PDE11A: variants seen among roughly 807,000 people sequenced by gnomAD.
PDE11A encodes phosphodiesterase 11A.
PDE11A carries 100 observed loss-of-function variants against 100.5 expected under a neutral mutation model. The ratio of observed to expected loss-of-function variants is 1.00; its 90% CI spans 0.85 to 1.18. The LOEUF (loss-of-function observed/expected upper bound fraction) is 1.18. Ranked by LOEUF, PDE11A falls within the 50% of genes most tolerant of loss-of-function variation. The pLI is 0.00. For synonymous variants in PDE11A, 381 were observed against 420.8 expected (o/e 0.91, Z 1.16); for missense variants, 1,141 against 1,152.6 (o/e 0.99, Z 0.15).
chr2:177,823,880 C>A (rs1300089758), intron 6 of PDE11A, among the ~76,000 whole-genome samples: 1 of 152,266 alleles, frequency 6.6e-6, no homozygotes, highest in Middle Eastern at 3.4e-3. Flanking sequence ...ATTGTCTCTG[C>A]CAACTCTGGG....
At chr2:178,028,649 G>A (rs1193034751) in intron 1 of PDE11A, among the ~76,000 whole-genome samples, 1 of 152,150 alleles carries the variant, frequency 6.6e-6, no homozygotes, top group Non-Finnish European at 1.5e-5. Flanking sequence ...CTTGTAACAT[G>A]TCATTTTCTT....
intron 1 of PDE11A, chr2:178,105,751 C>A: frequency 9.0e-7 from 1 of 1,117,132 alleles, no homozygotes; most frequent in Non-Finnish European, 1.2e-6. Flanking sequence ...CACCTCACAG[C>A]TCTGAGCCCC....
At chr2:177,896,719 T>A (rs888685813) in intron 4 of PDE11A, among the ~76,000 whole-genome samples, 1 of 152,208 alleles carries the variant, frequency 6.6e-6, no homozygotes, top group African/African-American at 2.4e-5. Context: ...TCCTCATCTA[T>A]AAAATTATTA....
intron 9 of PDE11A, among the ~76,000 whole-genome samples, chr2:177,782,467 T>C (rs2082467683): frequency 6.6e-6 from 1 of 152,254 alleles, no homozygotes; most frequent in African/African-American, 2.4e-5. Flanking sequence ...TGAAGCTTCC[T>C]TGTCTTTCAA....
chr2:177,759,884 G>A (rs1183301168), intron 10 of PDE11A, among the ~76,000 whole-genome samples: 1 of 152,042 alleles, frequency 6.6e-6, no homozygotes, highest in South Asian at 2.1e-4. Context: ...TCAATATGTT[G>A]AGTTCAGCCA....
intron 2 of PDE11A, among the ~76,000 whole-genome samples, chr2:177,990,602 GT>G (rs2085990372): frequency 6.6e-6 from 1 of 152,090 alleles, no homozygotes; most frequent in South Asian, 2.1e-4. Context: ...GCTGGGTATG[GT>G]AGGGTGGGCC....
chr2:177,942,973 T>C (rs2085362602), intron 2 of PDE11A, among the ~76,000 whole-genome samples: 1 of 152,226 alleles, frequency 6.6e-6, no homozygotes, highest in African/African-American at 2.4e-5. Flanking sequence ...TACAATATTG[T>C]TCTTTTGGTG....
intron 2 of PDE11A, among the ~76,000 whole-genome samples, chr2:177,945,415 G>A (rs1171027851): frequency 7.8e-5 from 11 of 141,754 alleles, no homozygotes; most frequent in South Asian, 2.5e-4. Flanking sequence ...AGGAAGTGAG[G>A]AGCGTCTCTG....
chr2:177,870,396 C>A (rs1369380975), intron 5 of PDE11A, among the ~76,000 whole-genome samples: 1 of 152,192 alleles, frequency 6.6e-6, no homozygotes, highest in Non-Finnish European at 1.5e-5. Context: ...GTAGTACCAA[C>A]AACGTACAAT....
intron 1 of PDE11A, among the ~76,000 whole-genome samples, chr2:178,037,391 G>C (rs1484103740): frequency 6.6e-6 from 1 of 152,156 alleles, no homozygotes; most frequent in Non-Finnish European, 1.5e-5. Context: ...GAGAGGCGGT[G>C]GAGAAATAGA....
At chr2:178,072,861 G>A (rs2087157807), upstream of PDE11A, 5 of 1,152,046 alleles carry the variant, frequency 4.3e-6, no homozygotes, top group Middle Eastern at 4.0e-4. Context: ...GAGAGAAGAG[G>A]AGGGAGCCGC....
intron 9 of PDE11A, among the ~76,000 whole-genome samples, chr2:177,783,920 G>A (rs2082492340): frequency 6.6e-6 from 1 of 152,072 alleles, no homozygotes; most frequent in South Asian, 2.1e-4. Flanking sequence ...ATATCTTCCA[G>A]GCTACCAAAG....
chr2:177,804,671 A>G (rs571479999), intron 9 of PDE11A, among the ~76,000 whole-genome samples: 7 of 151,214 alleles, frequency 4.6e-5, no homozygotes, highest in South Asian at 2.1e-4. Flanking sequence ...TGGAATCAAC[A>G]TAAATGTCCA....
chr2:177,715,208 C>T (rs1333814341), intron 12 of PDE11A, among the ~76,000 whole-genome samples: 1 of 152,194 alleles, frequency 6.6e-6, no homozygotes, highest in East Asian at 1.9e-4. Flanking sequence ...CATTTTCACT[C>T]AGAATTTTGA....
chr2:177,912,368 G>A (rs975655389), intron 2 of PDE11A, among the ~76,000 whole-genome samples: 1 of 152,126 alleles, frequency 6.6e-6, no homozygotes, highest in Non-Finnish European at 1.5e-5. Flanking sequence ...ATATCCCCAG[G>A]AGGCTATCCA....
At chr2:177,872,388 G>A (rs1574238085) in intron 5 of PDE11A, among the ~76,000 whole-genome samples, 1 of 152,200 alleles carries the variant, frequency 6.6e-6, no homozygotes, top group East Asian at 1.9e-4. Context: ...ACACTTCATG[G>A]AGGGAGATGG....
intron 5 of PDE11A, among the ~76,000 whole-genome samples, chr2:177,844,820 A>G (rs2105633331): frequency 6.6e-6 from 1 of 152,036 alleles, no homozygotes; most frequent in Non-Finnish European, 1.5e-5. Flanking sequence ...CCCTGAGTGG[A>G]CACAGCACAT....
At chr2:177,687,795 T>C (rs1426382548) in intron 15 of PDE11A, 2 of 152,206 alleles carry the variant, frequency 1.3e-5, no homozygotes, top group African/African-American at 2.4e-5. Flanking sequence ...TATGGAACTT[T>C]TGAGAAAAAT....
At chr2:177,751,655 G>A (rs2082028696) in intron 10 of PDE11A, among the ~76,000 whole-genome samples, 1 of 152,110 alleles carries the variant, frequency 6.6e-6, no homozygotes, top group Admixed American at 6.6e-5. Context: ...TACTGGAAGA[G>A]AAAACCCATT....
Sources: allele counts gnomAD v4.1 joint callset (sites outside exome capture counted in the v4.1 genomes callset), GRCh38; gene constraint gnomAD v4.1.1; transcripts MANE v1.5; gene names NCBI Gene and HGNC (gene_info 2026-07-23, HGNC 2026-07-21).